Variants in LRP1B observed in about 807,000 individuals in gnomAD.
The protein encoded by LRP1B is LDL receptor related protein 1B.
Under a neutral mutation model 556.6 loss-of-function variants are expected in LRP1B, and 217 were observed. That is an observed-to-expected ratio of 0.39 (90% CI 0.35 to 0.44). LRP1B has a LOEUF of 0.44. Ranked by LOEUF, LRP1B falls within the 20% of genes least tolerant of loss-of-function variation. The pLI, the probability that LRP1B is intolerant of heterozygous loss-of-function variation, is 1.00. For missense variants in LRP1B, 5,053 were observed against 5,620.8 expected (o/e 0.90, Z 3.23); for synonymous variants, 2,047 against 1,865.8 (o/e 1.10, Z -2.50).
intron 2 of LRP1B, among the ~76,000 whole-genome samples, chr2:141,580,309 T>C (rs1686919009): frequency 6.6e-6 from 1 of 152,178 alleles, no homozygotes. Context: ...TACAAACTCA[T>C]TGATGAATTA....
chr2:142,080,625 C>T lies in LRP1B; in HGVS notation c.82+50023G>A, dbSNP rs373651827. 2.0e-5 allele frequency among the ~76,000 whole-genome samples: 3 copies of T among 152,156 alleles called. No individual in the cohort carries two copies. In the East Asian group the frequency reaches 5.8e-4, roughly 29 times the overall value. ...TAAAAGCAATCACTCACCTCTAATG[C>T]TTCAAGTGTTTCCTCTGCAATAGCA... On this transcript the variant is annotated intron_variant, in intron 1 of 90. Coordinates refer to ENST00000389484, the MANE Select transcript of LRP1B (RefSeq NM_018557.3).
intron 3 of LRP1B, among the ~76,000 whole-genome samples, chr2:141,450,914 A>C (rs1309671505): frequency 6.6e-6 from 1 of 152,172 alleles, no homozygotes; most frequent in Non-Finnish European, 1.5e-5. Context: ...GTGTTTATAA[A>C]CTATTTCATA....
intron 2 of LRP1B, among the ~76,000 whole-genome samples, chr2:141,791,241 T>C (rs1370324841): frequency 6.6e-6 from 1 of 151,826 alleles, no homozygotes; most frequent in Non-Finnish European, 1.5e-5. Context: ...ATTTAGAAAA[T>C]TATGAAATTG....
intron 1 of LRP1B, among the ~76,000 whole-genome samples, chr2:141,820,136 T>C (rs1226756965): frequency 6.6e-6 from 1 of 152,152 alleles, no homozygotes; most frequent in Non-Finnish European, 1.5e-5. Flanking sequence ...AAGGCAAACT[T>C]GAGATTCAGT....
At chr2:140,920,571 A>G (rs2105254005) in intron 21 of LRP1B, among the ~76,000 whole-genome samples, 1 of 152,158 alleles carries the variant, frequency 6.6e-6, no homozygotes, top group Middle Eastern at 3.4e-3. Flanking sequence ...AGGTTTGTAG[A>G]TGAATACATA....
intron 2 of LRP1B, among the ~76,000 whole-genome samples, chr2:141,597,772 G>C (rs1398168379): frequency 6.6e-6 from 1 of 151,942 alleles, no homozygotes; most frequent in Non-Finnish European, 1.5e-5. Flanking sequence ...TTTCAATACA[G>C]TGGAGATTCA....
intron 41 of LRP1B, among the ~76,000 whole-genome samples, chr2:140,662,355 A>G (rs1685127103): frequency 6.6e-6 from 1 of 152,126 alleles, no homozygotes; most frequent in South Asian, 2.1e-4. Context: ...ACAAATATTA[A>G]GGAAAAATTA....
intron 66 of LRP1B, among the ~76,000 whole-genome samples, chr2:140,410,561 T>G (rs1684931502): frequency 6.6e-6 from 1 of 152,138 alleles, no homozygotes; most frequent in African/African-American, 2.4e-5. Context: ...AAAAAAACAC[T>G]ATGCTTGAGC....
At chr2:141,089,089 T>C (rs895438388) in intron 7 of LRP1B, among the ~76,000 whole-genome samples, 5 of 152,226 alleles carry the variant, frequency 3.3e-5, no homozygotes, top group African/African-American at 9.6e-5. Context: ...AAATATTCTT[T>C]CAACATCTGG....
At position 140,982,280 on chromosome 2, in the gene LRP1B, T is replaced by C. The variant is rs1696794156; in HGVS notation, c.2771-4A>G. The C allele has an allele frequency of 6.3e-7, 1 of 1,596,404 alleles. No individual in the cohort carries two copies. Among genetic ancestry groups the C allele is most frequent in the Non-Finnish European group, 8.6e-7 (1 of 1,164,882 alleles). On this transcript the variant is annotated splice_polypyrimidine_tract_variant and splice_region_variant and intron_variant, in intron 17 of 90. Transcript: ENST00000389484. ...TGGTCTACCTGGCATGTTCTGGCTA[T>C]GATGATCAATTAATAAACAAAAAAT... is the stretch of plus-strand genomic sequence containing the variant.
At chr2:141,017,476 C>T (rs1697937564) in intron 12 of LRP1B, among the ~76,000 whole-genome samples, 1 of 151,450 alleles carries the variant, frequency 6.6e-6, no homozygotes, top group Non-Finnish European at 1.5e-5. Flanking sequence ...GAAACACACA[C>T]ACGCACACAC....
chr2:141,747,558 G>T (rs1010991097), intron 2 of LRP1B, among the ~76,000 whole-genome samples: 1 of 152,100 alleles, frequency 6.6e-6, no homozygotes, highest in African/African-American at 2.4e-5. Context: ...GACTGCTTGG[G>T]CCCAGGACTT....
rs537932204 is a variant in LRP1B at position 141,136,382 on chromosome 2, T to G, written c.1013+52039A>C. 3.3e-5 allele frequency among the ~76,000 whole-genome samples: 5 copies of G among 151,988 alleles called. No homozygotes were observed. The East Asian group carries it at 9.6e-4, about 29-fold the overall frequency. On this transcript the variant is annotated intron_variant, in intron 7 of 90. Transcript: ENST00000389484. ...CAAAGTTTGCATATGAAAATCAGATTCCTAAGTTGCACAGTAATATGAATG... is the reference window on the plus strand; with the variant it reads ...CAAAGTTTGCATATGAAAATCAGATGCCTAAGTTGCACAGTAATATGAATG...
At chr2:141,674,463 A>G (rs1486221832) in intron 2 of LRP1B, among the ~76,000 whole-genome samples, 1 of 152,096 alleles carries the variant, frequency 6.6e-6, no homozygotes, top group African/African-American at 2.4e-5. Flanking sequence ...CAGTGATTCC[A>G]AGATTGTATT....
rs138928569 is a variant in LRP1B at position 140,624,691 on chromosome 2, G to A, written c.6800-23052C>T. Among the ~76,000 whole-genome samples the A allele has an allele frequency of 1.3e-5, 2 of 152,212 alleles. 1 individual carries two copies. Among genetic ancestry groups the A allele is most frequent in the Non-Finnish European group, 2.9e-5 (2 of 68,002 alleles). On this transcript the variant is annotated intron_variant, in intron 41 of 90. Transcript: ENST00000389484. ...AACAGCATAAGACCCTGTTGTTGTT[G>A]TTGTTTTTAAAGCAATCAACTCTAT...
intron 32 of LRP1B, among the ~76,000 whole-genome samples, chr2:140,809,513 C>T (rs1216067631): frequency 1.3e-5 from 2 of 152,036 alleles, no homozygotes; most frequent in African/African-American, 2.4e-5. Flanking sequence ...TATGTTAGAG[C>T]TATTTGGTTT....
chr2:140,538,112 A>G (rs1249704440), intron 45 of LRP1B, among the ~76,000 whole-genome samples: 2 of 152,174 alleles, frequency 1.3e-5, no homozygotes, highest in Non-Finnish European at 2.9e-5. Context: ...GGAATATTCA[A>G]TTAAACAGCC....
At chr2:141,860,983 G>A (rs895872370) in intron 1 of LRP1B, among the ~76,000 whole-genome samples, 2 of 152,096 alleles carry the variant, frequency 1.3e-5, no homozygotes, top group Non-Finnish European at 2.9e-5. Flanking sequence ...CCCTTTGAAA[G>A]CAAATTCGTA....
chr2:141,318,371 A>T (rs1226808912), intron 3 of LRP1B, among the ~76,000 whole-genome samples: 1 of 152,172 alleles, frequency 6.6e-6, no homozygotes, highest in African/African-American at 2.4e-5. Context: ...GGATTAAAGA[A>T]GGATCAATTT....
Sources: allele counts gnomAD v4.1 joint callset (sites outside exome capture counted in the v4.1 genomes callset), GRCh38; gene constraint gnomAD v4.1.1; transcripts MANE v1.5; gene names NCBI Gene and HGNC (gene_info 2026-07-23, HGNC 2026-07-21).